The following CAMSAP1 variants were observed in gnomAD, a reference collection of about 807,000 sequenced individuals.
CAMSAP1 encodes calmodulin regulated spectrin associated protein 1, also known as calmodulin-regulated spectrin-associated protein 1.
In CAMSAP1, 58 loss-of-function variants were observed where a neutral mutation model predicts 143.5. The observed-to-expected ratio is 0.40, with a 90% CI of 0.33 to 0.50. The LOEUF (loss-of-function observed/expected upper bound fraction) is 0.50, where lower values mean the gene tolerates loss of function less well. Ranked by LOEUF, CAMSAP1 falls within the 20% of genes least tolerant of loss-of-function variation. The pLI is 0.45. For synonymous variants in CAMSAP1, 945 were observed against 859.3 expected (o/e 1.10, Z -1.74); for missense variants, 1,969 against 2,115.7 (o/e 0.93, Z 1.36).
intron 1 of CAMSAP1, among the ~76,000 whole-genome samples, chr9:135,888,318 G>C (rs200562994): frequency 6.6e-6 from 1 of 152,212 alleles, no homozygotes; most frequent in South Asian, 2.1e-4. Flanking sequence ...GCCATCTGTC[G>C]ACTGCAGCCC....
intron 1 of CAMSAP1, among the ~76,000 whole-genome samples, chr9:135,901,728 C>T (rs1838624801): frequency 6.6e-6 from 1 of 152,172 alleles, no homozygotes; most frequent in East Asian, 1.9e-4. Flanking sequence ...CTAAAAACAT[C>T]TTCCCAGGCT....
intron 3 of CAMSAP1, among the ~76,000 whole-genome samples, chr9:135,878,388 G>A (rs1439899893): frequency 1.6e-5 from 2 of 126,730 alleles, no homozygotes; most frequent in African/African-American, 7.5e-5. Flanking sequence ...CAAACCCAAG[G>A]AGGGATTACC....
rs113601359 is a variant in CAMSAP1, at chr9:135,842,748, A to T, written c.1045+7389T>A. On this transcript the variant is annotated intron_variant, in intron 7 of 16. Coordinates refer to ENST00000389532, the MANE Select transcript of CAMSAP1 (RefSeq NM_015447.4). ...TTCATATCCAGCCAAACTAAGCTTCATAAGCGAAGGAGAAACAAAATCCTT... is the reference window on the plus strand; with the variant it reads ...TTCATATCCAGCCAAACTAAGCTTCTTAAGCGAAGGAGAAACAAAATCCTT... Among the ~76,000 whole-genome samples, 32 of 152,372 alleles carry T rather than the reference A, an allele frequency of 2.1e-4. No homozygotes were observed. In the Middle Eastern group the frequency reaches 0.01, roughly 49 times the overall value.
At chr9:135,837,797 G>A (rs1174748114) in intron 7 of CAMSAP1, among the ~76,000 whole-genome samples, 4 of 118,594 alleles carry the variant, frequency 3.4e-5, no homozygotes, top group South Asian at 2.8e-4. Context: ...CTACAGACAC[G>A]TCATCACGCA....
intron 16 of CAMSAP1, among the ~76,000 whole-genome samples, chr9:135,813,326 T>C (rs957837679): frequency 2.0e-5 from 3 of 152,248 alleles, no homozygotes; most frequent in Non-Finnish European, 4.4e-5. Context: ...CACTCTTCTA[T>C]TTATTTGGCT....
In CAMSAP1 at chr9:135,875,604, G is replaced by A. The variant is rs935217948; in HGVS notation, c.585+6029C>T. On this transcript the variant is annotated intron_variant, in intron 3 of 16. Coordinates refer to ENST00000389532, the MANE Select transcript of CAMSAP1 (RefSeq NM_015447.4). ...CTATAAACCAGACACAAAGATCGGT[G>A]GAACCGAATAGAATCCAGAAACAGA... 9.2e-5 allele frequency among the ~76,000 whole-genome samples: 14 copies of A among 152,192 alleles called. No individual in the cohort carries two copies. The East Asian group carries it at 1.3e-3, about 15-fold the overall frequency.
At chr9:135,901,590 G>A (rs1466549442) in intron 1 of CAMSAP1, among the ~76,000 whole-genome samples, 1 of 152,090 alleles carries the variant, frequency 6.6e-6, no homozygotes, top group South Asian at 2.1e-4. Context: ...ACTCCAGCCT[G>A]GGCAACAGAG....
chr9:135,839,701 C>T (rs1836268576), intron 7 of CAMSAP1, among the ~76,000 whole-genome samples: 3 of 152,138 alleles, frequency 2.0e-5, no homozygotes, highest in South Asian at 2.1e-4. Flanking sequence ...ACCCATAAGA[C>T]GGAGTTGTGC....
chr9:135,872,101 C>CAA (rs909060511), intron 3 of CAMSAP1, among the ~76,000 whole-genome samples: 1 of 142,318 alleles, frequency 7.0e-6, no homozygotes, highest in African/African-American at 2.6e-5. Context: ...ACTCCCATCT[C>CAA]AAAAAAAAAA....
intron 1 of CAMSAP1, among the ~76,000 whole-genome samples, chr9:135,896,715 A>C (rs1455286177): frequency 6.6e-6 from 1 of 152,286 alleles, no homozygotes; most frequent in Non-Finnish European, 1.5e-5. Context: ...AAATCTCTGA[A>C]CACTTGAAAA....
At chr9:135,891,278 CG>C (rs1215406777) in intron 1 of CAMSAP1, among the ~76,000 whole-genome samples, 1 of 152,246 alleles carries the variant, frequency 6.6e-6, no homozygotes, top group African/African-American at 2.4e-5. Context: ...AGCCTAGGCA[CG>C]GGGTAAGGAA....
intron 5 of CAMSAP1, among the ~76,000 whole-genome samples, chr9:135,861,248 T>C (rs557976571): frequency 4.6e-5 from 7 of 151,408 alleles, no homozygotes; most frequent in Non-Finnish European, 8.8e-5. Context: ...TGTCCTCCAC[T>C]CATGAGTTTT....
chr9:135,822,576 T>G lies in CAMSAP1; in HGVS notation c.2085A>C (p.Pro695=). Residue 695 remains proline, a synonymous_variant, in exon 11 of 17, where the codon CCA becomes CCC. Transcript: ENST00000389532. This position sits in a 1 kb window ranked among gnomAD's most constrained non-coding sequence, Gnocchi z 6.1. ...LGGFDPFPQG[P]STDGFFLHVG... ...CATGAAGGAAGAAGCCATCCGTGGA[T>G]GGTCCCTGGGGGAACGGATCGAATC... The G allele has an allele frequency of 1.2e-6, 2 of 1,613,718 alleles. No individual in the cohort carries two copies. The highest frequency in any genetic ancestry group is 1.7e-6 in the Non-Finnish European group (2 of 1,179,854).
chr9:135,862,316 A>G, intron 5 of CAMSAP1, 151 bp downstream of exon 5: 2 of 925,082 alleles, frequency 2.2e-6, no homozygotes, highest in Non-Finnish European at 3.1e-6. Flanking sequence ...TCATCCCCCA[A>G]TTTTTTCATC....
intron 14 of CAMSAP1, 30 bp downstream of exon 14, chr9:135,817,947 C>T (rs780522103): frequency 2.8e-5 from 45 of 1,602,588 alleles, no homozygotes; most frequent in Non-Finnish European, 3.8e-5. Context: ...TCCTCCAGCC[C>T]CGTGCCGGCG....
intron 16 of CAMSAP1, among the ~76,000 whole-genome samples, chr9:135,812,188 G>A (rs1483106926): frequency 1.3e-5 from 2 of 152,084 alleles, no homozygotes; most frequent in Non-Finnish European, 2.9e-5. Flanking sequence ...AAGTAGAAAC[G>A]AAAATATCAC....
At chr9:135,889,169 G>A (rs536490989) in intron 1 of CAMSAP1, among the ~76,000 whole-genome samples, 4 of 152,320 alleles carry the variant, frequency 2.6e-5, no homozygotes, top group East Asian at 1.9e-4. Flanking sequence ...GCGGCAGGAC[G>A]AAGACCGAAA....
chr9:135,874,925 C>G (rs1242071598), intron 3 of CAMSAP1, among the ~76,000 whole-genome samples: 1 of 152,046 alleles, frequency 6.6e-6, no homozygotes, highest in Non-Finnish European at 1.5e-5. Flanking sequence ...GAATCCAAAA[C>G]ACAAAAGATA....
At chr9:135,891,253 CA>C (rs1564460827) in intron 1 of CAMSAP1, among the ~76,000 whole-genome samples, 1 of 152,220 alleles carries the variant, frequency 6.6e-6, no homozygotes, top group South Asian at 2.1e-4. Context: ...GCAGCATGAG[CA>C]GCAGAAACAG....
Sources: allele counts gnomAD v4.1 joint callset (sites outside exome capture counted in the v4.1 genomes callset), GRCh38; gene constraint gnomAD v4.1.1; non-coding constraint Gnocchi (gnomAD v3.1); transcripts MANE v1.5; gene names NCBI Gene and HGNC (gene_info 2026-07-23, HGNC 2026-07-21).